The following GPR119 variants were observed in gnomAD, a reference collection of about 807,000 sequenced individuals.
GPR119 encodes the protein glucose-dependent insulinotropic receptor.
GPR119 carries 7 observed loss-of-function variants against 13.3 expected under a neutral mutation model. The observed-to-expected ratio is 0.53, with a 90% CI of 0.30 to 0.99. GPR119 has a LOEUF of 0.99. GPR119 is among the 50% of genes least tolerant of loss of function. The pLI is 0.06. For missense variants in GPR119, 197 were observed against 263.0 expected, an observed-to-expected ratio of 0.75 and a Z score of 1.74; for synonymous variants, 107 against 112.5, an observed-to-expected ratio of 0.95 and a Z score of 0.31.
Position 130,381,398 on chromosome X carries a change from C to T in GPR119, c.*1158G>A, listed in dbSNP as rs2034358349. On this transcript the variant is annotated 3_prime_UTR_variant, in exon 2 of 2. Transcript: ENST00000682440. ...ACCCCTGACCTCGTGATCCACCTGC[C>T]TCAGCCTCCCAACATGCTGGGATTA... 9.0e-6 allele frequency among the ~76,000 whole-genome samples: 1 copy of T among 111,694 alleles called. No homozygotes were observed. Among genetic ancestry groups the T allele is most frequent in the South Asian group, 3.8e-4 (1 of 2,659 alleles).
rs73634089 is a variant in GPR119 at position 130,382,230 on chromosome X, T to A, written c.*326A>T. On this transcript the variant is annotated 3_prime_UTR_variant, in exon 2 of 2. Coordinates refer to ENST00000682440, the MANE Select transcript of GPR119 (RefSeq NM_178471.3). ...TTTTCATTCCACTTTGCTTATATTA[T>A]CTTGGCAAGATCAGTCCTTTGTAGC... Among the ~76,000 whole-genome samples the A allele has an allele frequency of 7.1e-3, 791 of 111,099 alleles. 13 individuals carry two copies. Among genetic ancestry groups the A allele is most frequent in the African/African-American group, 0.025 (755 of 30,519 alleles).
In GPR119 at chrX:130,384,890, G is replaced by C; in HGVS notation, c.558C>G (p.Cys186Trp). ...GCATGGAGGCAATCTTGAGCATGTC[G>C]CAGTAGAAGAAGACAAAGAGGAGCA... ...PAMLLFVFFYCDMLKIASMHS... is the reference protein window; with the variant it reads ...PAMLLFVFFYWDMLKIASMHS... The change falls in exon 1 of 2, where the codon TGC (cysteine) becomes TGG (tryptophan). Residue 186 changes from cysteine to tryptophan, a missense_variant. Coordinates refer to ENST00000682440, the MANE Select transcript of GPR119 (RefSeq NM_178471.3). The C allele has an allele frequency of 8.3e-7, 1 of 1,211,638 alleles. No individual in the cohort carries two copies. Among genetic ancestry groups the C allele is most frequent in the Non-Finnish European group, 1.1e-6 (1 of 895,269 alleles).
Position 130,385,205 on chromosome X carries a change from C to T in GPR119, c.243G>A (p.Arg81=), listed in dbSNP as rs761587141. ...RPTQKTLCSL[R]MAFVTSSAAA... ...CTGCGGAGGAAGTGACAAATGCCATCCGCAGGCTGCACAGGGTCTTCTGTG... is the reference window on the plus strand; with the variant it reads ...CTGCGGAGGAAGTGACAAATGCCATTCGCAGGCTGCACAGGGTCTTCTGTG... The change falls in exon 1 of 2, where the codon CGG becomes CGA. Residue 81 remains arginine (R), a synonymous_variant. Transcript: ENST00000682440. 3.3e-6 allele frequency: 4 copies of T among 1,212,150 alleles called. No individual in the cohort carries two copies. The highest frequency in any genetic ancestry group is 4.5e-6 in the Non-Finnish European group (4 of 895,580).
Position 130,385,264 on chromosome X carries a change from G to A in GPR119, c.184C>T (p.Leu62Phe). 8.3e-7 allele frequency: 1 copy of A among 1,211,765 alleles called. No homozygotes were observed. ...GAAGGGCTGGAGAGCTGGTCTGTGA[G>A]TAGGCCAGAGATGGCCACACCAATC... ...TLIGVAISGL[L>F]TDQLSSPSRP... Residue 62 changes from leucine to phenylalanine, a missense_variant, in exon 1 of 2, where the codon CTC becomes TTC. Physicochemically the swap from Leu to Phe is conservative, Grantham distance 22 (BLOSUM62 0). Coordinates refer to ENST00000682440, the MANE Select transcript of GPR119 (RefSeq NM_178471.3).
At chrX:130,384,375 G>T (rs2034371457) in intron 1 of GPR119, 61 bp downstream of exon 1, 16 of 1,068,576 alleles carry the variant, frequency 1.5e-5, no homozygotes, top group Non-Finnish European at 1.9e-5. Context: ...AGCTCCTGCT[G>T]ATCTAGTTGG....
In GPR119 at chrX:130,385,514, A is replaced by C; in HGVS notation, c.-67T>G. On this transcript the variant is annotated 5_prime_UTR_variant, in exon 1 of 2. Transcript: ENST00000682440. ...TCTCCAGCTGAAATTCTCATGGGCC[A>C]GGGGCAGAGGAGCTGTGGGTTCAGA... is the stretch of plus-strand genomic sequence containing the variant. 9.4e-7 allele frequency: 1 copy of C among 1,058,851 alleles called. No homozygotes were observed. The highest frequency in any genetic ancestry group is 1.3e-6 in the Non-Finnish European group (1 of 768,922). The allele number at this position is 1,058,851 out of a possible 1,213,427, so 87.3% of individuals were successfully genotyped here.
At position 130,382,508 on chromosome X, in the gene GPR119, A is replaced by T. The variant is rs952412231; in HGVS notation, c.*48T>A. Among the ~76,000 whole-genome samples, 1 of 111,859 alleles carries T rather than the reference A, an allele frequency of 8.9e-6. No homozygotes were observed. The highest frequency in any genetic ancestry group is 3.3e-5 in the African/African-American group (1 of 30,761). On this transcript the variant is annotated 3_prime_UTR_variant, in exon 2 of 2. Coordinates refer to ENST00000682440, the MANE Select transcript of GPR119 (RefSeq NM_178471.3). Reference sequence around the variant, plus strand: ...GGAACACGATGCTTGCTATGGTGAAAGCAAGCATGTTTCTCCTCTGGGCCA... The same window carrying T: ...GGAACACGATGCTTGCTATGGTGAATGCAAGCATGTTTCTCCTCTGGGCCA...
chrX:130,382,118 G>A lies in GPR119; in HGVS notation c.*438C>T, dbSNP rs1371280973. On this transcript the variant is annotated 3_prime_UTR_variant, in exon 2 of 2. Coordinates refer to ENST00000682440, the MANE Select transcript of GPR119 (RefSeq NM_178471.3). ...ATTACGTGGGGTACAATGTGATGTT[G>A]ATATATGTTTAAAATGTGGAATGAT... Among the ~76,000 whole-genome samples, 1 of 110,145 alleles carries A rather than the reference G, an allele frequency of 9.1e-6. No homozygotes were observed. Among genetic ancestry groups the A allele is most frequent in the East Asian group, 2.8e-4 (1 of 3,568 alleles).
intron 1 of GPR119, among the ~76,000 whole-genome samples, chrX:130,383,727 G>A (rs2034368161): frequency 8.9e-6 from 1 of 112,695 alleles, no homozygotes; most frequent in Non-Finnish European, 1.9e-5. Context: ...AGTAAGGGCA[G>A]GAGGAGGAGG....
At position 130,380,025 on chromosome X, in the gene GPR119, T is replaced by G. The variant is rs1569458160; in HGVS notation, c.*2531A>C. ...TTTATAAGATTGCAGAAATAACAAG[T>G]GAAGATTTTTTAATTAAAAGGAGAA... On this transcript the variant is annotated 3_prime_UTR_variant, in exon 2 of 2. Coordinates refer to ENST00000682440, the MANE Select transcript of GPR119 (RefSeq NM_178471.3). Among the ~76,000 whole-genome samples the G allele has an allele frequency of 8.9e-6, 1 of 111,975 alleles. No individual in the cohort carries two copies. Among genetic ancestry groups the G allele is most frequent in the East Asian group, 2.8e-4 (1 of 3,590 alleles).
Position 130,384,455 on chromosome X carries a change from T to C in GPR119, c.993A>G (p.Ser331=). 4 of 1,210,363 alleles carry C rather than the reference T, an allele frequency of 3.3e-6. No individual in the cohort carries two copies. The highest frequency in any genetic ancestry group is 4.5e-6 in the Non-Finnish European group (4 of 894,605). Residue 331 remains serine (S), a synonymous_variant, in exon 1 of 2, where the codon TCA becomes TCG. Transcript: ENST00000682440. ...CCTTACCGTCTTAGCCATCAAACTC[T>C]GAGCTGGAGATAGTGACGATGTGAC... ...SSCHIVTISS[S]EFDG is the part of the protein sequence containing the mutation.
In GPR119 at chrX:130,385,114, G is replaced by A. The variant is rs147091312; in HGVS notation, c.334C>T (p.Arg112Cys). 13 of 1,210,047 alleles carry A rather than the reference G, an allele frequency of 1.1e-5. No individual in the cohort carries two copies. The South Asian group carries it at 1.6e-4, about 15-fold the overall frequency. Residue 112 changes from arginine to cysteine, a missense_variant, in exon 1 of 2, where the codon CGC becomes TGC. By Grantham distance (180) the Arg-to-Cys change is radical (BLOSUM62 -3). Transcript: ENST00000682440. ...AACCCACTCATGATCTTCAAGTAGC[G>A]GAAGGGCTGCTTGATGGCAAGGTAC... ...DRYLAIKQPF[R>C]YLKIMSGFVA...
Position 130,381,994 on chromosome X carries a change from C to CT in GPR119, c.*561dup, listed in dbSNP as rs2034360804. Among the ~76,000 whole-genome samples the CT allele has an allele frequency of 9.0e-6, 1 of 110,889 alleles. No individual in the cohort carries two copies. Among genetic ancestry groups the CT allele is most frequent in the Non-Finnish European group, 1.9e-5 (1 of 52,995 alleles). ...GGTAGCAGAGTTTCTTAGATTGAACCTAATAACACACTGATCACCTGGCCT... is the reference window on the plus strand; with the variant it reads ...GGTAGCAGAGTTTCTTAGATTGAACCTTAATAACACACTGATCACCTGGCCT... On this transcript the variant is annotated 3_prime_UTR_variant, in exon 2 of 2. Coordinates refer to ENST00000682440, the MANE Select transcript of GPR119 (RefSeq NM_178471.3).
rs890419319 is a variant in GPR119, at chrX:130,382,123, A to G, written c.*433T>C. 3.7e-5 allele frequency among the ~76,000 whole-genome samples: 4 copies of G among 109,427 alleles called. No individual in the cohort carries two copies. The East Asian group carries it at 1.1e-3, about 31-fold the overall frequency. On this transcript the variant is annotated 3_prime_UTR_variant, in exon 2 of 2. Transcript: ENST00000682440. ...GTGGGGTACAATGTGATGTTGATATATGTTTAAAATGTGGAATGATTAAAT... is the reference window on the plus strand; with the variant it reads ...GTGGGGTACAATGTGATGTTGATATGTGTTTAAAATGTGGAATGATTAAAT...
At position 130,384,853 on chromosome X, in the gene GPR119, T is replaced by A. The variant is rs1311391369; in HGVS notation, c.595A>T (p.Ile199Phe). 1 of 1,212,000 alleles carries A rather than the reference T, an allele frequency of 8.3e-7. No individual in the cohort carries two copies. Among genetic ancestry groups the A allele is most frequent in the Admixed American group, 2.2e-5 (1 of 46,067 alleles). ...LKIASMHSQQ[I>F]RKMEHAGAMA... The stretch of plus-strand genomic sequence containing the variant: ...GCTCCTGCATGTTCCATCTTTCGAA[T>A]CTGCTGGCTGTGCATGGAGGCAATC... The change falls in exon 1 of 2, where the codon ATT (isoleucine) becomes TTT (phenylalanine). Residue 199 changes from isoleucine to phenylalanine, a missense_variant. Coordinates refer to ENST00000682440, the MANE Select transcript of GPR119 (RefSeq NM_178471.3).
Sources: gnomAD v4.1 joint callset for allele counts (sites outside exome capture counted in the v4.1 genomes callset) on GRCh38, gnomAD v4.1.1 for gene constraint, MANE v1.5 for transcripts, NCBI Gene and HGNC (gene_info 2026-07-23, HGNC 2026-07-21) for gene names.